Variants in MAP4 observed in about 807,000 individuals in gnomAD.
MAP4 encodes the protein microtubule-associated protein 4.
In MAP4, 76 loss-of-function variants were observed where a neutral mutation model predicts 170.2. That is an observed-to-expected ratio of 0.45 (90% CI 0.37 to 0.54). The LOEUF (loss-of-function observed/expected upper bound fraction) is 0.54. Among genes scored for constraint, MAP4 ranks in the 20% least tolerant of loss-of-function variants. MAP4 has a pLI of 0.00. For missense variants in MAP4, 2,506 were observed against 2,748.0 expected (o/e 0.91, Z 1.97); for synonymous variants, 909 against 994.5 (o/e 0.91, Z 1.62).
intron 1 of MAP4, among the ~76,000 whole-genome samples, chr3:48,000,066 T>C (rs2100098263): frequency 6.6e-6 from 1 of 151,070 alleles, no homozygotes; most frequent in Non-Finnish European, 1.5e-5. Context: ...AATGCAAAAA[T>C]TAGCAAGGCA....
intron 3 of MAP4, among the ~76,000 whole-genome samples, chr3:47,946,963 A>C (rs1484100773): frequency 6.6e-6 from 1 of 152,212 alleles, no homozygotes; most frequent in Non-Finnish European, 1.5e-5. Flanking sequence ...TGTAAACATT[A>C]AACTGTATTC....
chr3:47,876,485 G>T (rs2095455218), intron 11 of MAP4, among the ~76,000 whole-genome samples: 1 of 152,156 alleles, frequency 6.6e-6, no homozygotes, highest in Non-Finnish European at 1.5e-5. Context: ...GGCACCTGAA[G>T]ATTTAATTCA....
At chr3:48,020,478 C>T (rs568492160), upstream of MAP4, among the ~76,000 whole-genome samples, 10 of 152,228 alleles carry the variant, frequency 6.6e-5, no homozygotes, top group South Asian at 2.1e-3. Flanking sequence ...CTCAGCTTTT[C>T]TGAGCAAGAA....
chr3:47,888,049 C>T (rs934360740), intron 10 of MAP4, among the ~76,000 whole-genome samples: 2 of 151,952 alleles, frequency 1.3e-5, no homozygotes, highest in Admixed American at 6.6e-5. Context: ...GTGAGTGCAC[C>T]AATCGACACT....
chr3:47,925,737 G>C (rs953986445), intron 4 of MAP4, among the ~76,000 whole-genome samples: 1 of 152,100 alleles, frequency 6.6e-6, no homozygotes, highest in Non-Finnish European at 1.5e-5. Context: ...AGGGAGATGG[G>C]GGTGATATTT....
At chr3:48,034,887 C>G (rs971836603) in intron 1 of MAP4, among the ~76,000 whole-genome samples, 6 of 151,940 alleles carry the variant, frequency 3.9e-5, no homozygotes, top group Non-Finnish European at 5.9e-5. Context: ...GTGGCACATG[C>G]CTGTAATCCC....
chr3:47,956,863 C>A (rs780962152), intron 3 of MAP4, among the ~76,000 whole-genome samples: 2 of 152,214 alleles, frequency 1.3e-5, no homozygotes, highest in South Asian at 4.1e-4. Context: ...TTCCCCTAAA[C>A]AGGGCTGACC....
chr3:47,856,390 T>G (rs1438657999), intron 18 of MAP4, among the ~76,000 whole-genome samples: 23 of 152,232 alleles, frequency 1.5e-4, no homozygotes, highest in Admixed American at 1.5e-3. Flanking sequence ...CAGAACTGTT[T>G]TGATCTTTCT....
intron 1 of MAP4, among the ~76,000 whole-genome samples, chr3:48,027,643 G>C (rs940758706): frequency 1.3e-5 from 2 of 152,002 alleles, no homozygotes; most frequent in African/African-American, 4.8e-5. Flanking sequence ...CCAGGGGCTC[G>C]AGACCAGCCT....
intron 3 of MAP4, among the ~76,000 whole-genome samples, chr3:47,940,330 T>G (rs1185153509): frequency 6.6e-6 from 1 of 152,140 alleles, no homozygotes; most frequent in Admixed American, 6.6e-5. Context: ...ATTTTGTTCT[T>G]AAAACTACAC....
rs998169639 is a variant in MAP4, at chr3:48,023,024, A to G, written c.-19-24145T>C. Among the ~76,000 whole-genome samples, 9 of 152,222 alleles carry G rather than the reference A, an allele frequency of 5.9e-5. No homozygotes were observed. The East Asian group carries it at 1.7e-3, about 29-fold the overall frequency. The stretch of plus-strand genomic sequence containing the variant: ...ATCCAAAAAATAGTACCATTAGCCT[A>G]CAAGAGAAATGAAATGCAATCCTAG... On this transcript the variant is annotated intron_variant, in intron 1 of 18. Transcript: ENST00000360240.
intron 3 of MAP4, among the ~76,000 whole-genome samples, chr3:47,970,463 C>T (rs141246616): frequency 6.6e-6 from 1 of 151,726 alleles, no homozygotes; most frequent in African/African-American, 2.4e-5. Context: ...GCGCTCCAGC[C>T]TGGGGAACAA....
At chr3:47,999,601 A>G (rs1398919357) in intron 1 of MAP4, among the ~76,000 whole-genome samples, 1 of 152,194 alleles carries the variant, frequency 6.6e-6, no homozygotes, top group African/African-American at 2.4e-5. Flanking sequence ...CTGACGCAGG[A>G]ACAGAAAACC....
Position 47,852,451 on chromosome 3 carries a change from C to T in MAP4, c.*483G>A, listed in dbSNP as rs114962860. 1,073 of 276,272 alleles carry T rather than the reference C, an allele frequency of 3.9e-3. 6 individuals are homozygous for T. The highest frequency in any genetic ancestry group is 0.022 in the African/African-American group (992 of 45,274). 17.1% of individuals were successfully genotyped at this position (276,272 alleles called of 1,614,324 possible). A position where few individuals can be genotyped will look rare whatever the true frequency, so the allele number is the denominator to read the frequency against. On this transcript the variant is annotated 3_prime_UTR_variant, in exon 21 of 21. Coordinates refer to ENST00000683076, the MANE Select transcript of MAP4 (RefSeq NM_001385682.1). ...AGCTCCACGGTCAGCGTCCTGTCAC[C>T]ACTCGGAATCCACCTCCACTCTTCC...
chr3:48,043,379 G>C (rs1275904803), intron 1 of MAP4, among the ~76,000 whole-genome samples: 3 of 152,178 alleles, frequency 2.0e-5, no homozygotes, highest in Non-Finnish European at 2.9e-5. Context: ...GTGATTACAG[G>C]CATGAGCCAC....
At chr3:48,059,059 G>A (rs1275852706) in intron 1 of MAP4, among the ~76,000 whole-genome samples, 1 of 152,158 alleles carries the variant, frequency 6.6e-6, no homozygotes, top group East Asian at 1.9e-4. Context: ...GATTACAGGT[G>A]TGAGCCACCG....
chr3:47,895,897 G>T (rs1463486493), intron 10 of MAP4, among the ~76,000 whole-genome samples: 1 of 138,452 alleles, frequency 7.2e-6, no homozygotes, highest in Non-Finnish European at 1.6e-5. Context: ...TCAGAAATGT[G>T]GTCAAACTGA....
chr3:48,085,309 T>C (rs1470354529), intron 1 of MAP4, among the ~76,000 whole-genome samples: 2 of 151,372 alleles, frequency 1.3e-5, no homozygotes, highest in Non-Finnish European at 2.9e-5. Context: ...CAAGACACTA[T>C]GAGATTAGGA....
At chr3:47,917,409 G>A (rs1577552608) in intron 6 of MAP4, among the ~76,000 whole-genome samples, 1 of 151,994 alleles carries the variant, frequency 6.6e-6, no homozygotes, top group Non-Finnish European at 1.5e-5. Flanking sequence ...CAAACATGGT[G>A]AAACCCTGTC....
Sources: allele counts gnomAD v4.1 joint callset (sites outside exome capture counted in the v4.1 genomes callset), GRCh38; gene constraint gnomAD v4.1.1; transcripts MANE v1.5; gene names NCBI Gene and HGNC (gene_info 2026-07-23, HGNC 2026-07-21).